GALNTL6: variants seen among roughly 807,000 people sequenced by gnomAD.
GALNTL6 encodes polypeptide N-acetylgalactosaminyltransferase-like 6.
Under a neutral mutation model 73.7 loss-of-function variants are expected in GALNTL6, and 46 were observed. The ratio of observed to expected loss-of-function variants is 0.62; its 90% CI spans 0.49 to 0.80. The LOEUF is 0.80. GALNTL6 is among the 30% of genes least tolerant of loss of function. The probability of loss-of-function intolerance (pLI) is 0.00; values close to 1 mark genes in which losing one functional copy is unlikely to be tolerated. For synonymous variants in GALNTL6, 259 were observed against 263.7 expected (o/e 0.98, Z 0.17); for missense variants, 604 against 755.0 (o/e 0.80, Z 2.34).
chr4:172,824,843 T>G (rs527863003), intron 7 of GALNTL6, among the ~76,000 whole-genome samples: 1 of 152,300 alleles, frequency 6.6e-6, no homozygotes, highest in African/African-American at 2.4e-5. Flanking sequence ...TGAGTGACAC[T>G]AGAAAAGTAA....
chr4:172,946,507 G>A (rs1749175617), intron 9 of GALNTL6, among the ~76,000 whole-genome samples: 1 of 152,162 alleles, frequency 6.6e-6, no homozygotes, highest in Non-Finnish European at 1.5e-5. Context: ...AGTCAAGCTG[G>A]AAATCTGTTC....
At chr4:172,629,763 T>G (rs1739317290) in intron 5 of GALNTL6, among the ~76,000 whole-genome samples, 1 of 152,164 alleles carries the variant, frequency 6.6e-6, no homozygotes, top group African/African-American at 2.4e-5. Flanking sequence ...AATGATGATG[T>G]AGAACATTCC....
intron 5 of GALNTL6, among the ~76,000 whole-genome samples, chr4:172,543,818 C>T (rs1392033084): frequency 6.6e-6 from 1 of 152,156 alleles, no homozygotes; most frequent in Non-Finnish European, 1.5e-5. Context: ...AAAGGATCTT[C>T]TAATGAAGAT....
chr4:172,902,067 C>G (rs929886566), intron 8 of GALNTL6, among the ~76,000 whole-genome samples: 7 of 152,148 alleles, frequency 4.6e-5, no homozygotes, highest in African/African-American at 1.7e-4. Flanking sequence ...TAATGTATGC[C>G]AGGCATTGTT....
chr4:172,828,954 G>A (rs978002148), intron 7 of GALNTL6, among the ~76,000 whole-genome samples: 3 of 152,186 alleles, frequency 2.0e-5, no homozygotes, highest in Admixed American at 6.5e-5. Context: ...AAGTCAAGGT[G>A]TCGGCGGAGC....
intron 2 of GALNTL6, among the ~76,000 whole-genome samples, chr4:171,876,296 C>T (rs1394986894): frequency 1.3e-5 from 2 of 152,056 alleles, no homozygotes; most frequent in African/African-American, 2.4e-5. Context: ...TCTTAATTAA[C>T]GACACTATAA....
chr4:172,873,761 G>T (rs766530888), intron 7 of GALNTL6, among the ~76,000 whole-genome samples: 1 of 152,012 alleles, frequency 6.6e-6, no homozygotes, highest in Non-Finnish European at 1.5e-5. Flanking sequence ...TTTTTTTGTT[G>T]TTGTTTTGTT....
chr4:171,956,071 T>C (rs911838045), intron 2 of GALNTL6, among the ~76,000 whole-genome samples: 1 of 152,064 alleles, frequency 6.6e-6, no homozygotes, highest in Non-Finnish European at 1.5e-5. Flanking sequence ...GGTGCAATTA[T>C]GGCTCACTGC....
intron 2 of GALNTL6, among the ~76,000 whole-genome samples, chr4:171,957,070 A>C (rs901951093): frequency 2.6e-5 from 4 of 152,248 alleles, no homozygotes; most frequent in East Asian, 1.9e-4. Flanking sequence ...TGTTCTTTCT[A>C]CTTTGTAGTG....
At chr4:172,057,744 AT>A in intron 2 of GALNTL6, among the ~76,000 whole-genome samples, 3 of 142,056 alleles carry the variant, frequency 2.1e-5, no homozygotes, top group African/African-American at 7.7e-5. Flanking sequence ...ATATATATAT[AT>A]ATATATATAT....
chr4:172,882,440 C>G lies in GALNTL6; in HGVS notation c.924-350C>G, dbSNP rs143285500. Among the ~76,000 whole-genome samples, 560 of 152,196 alleles carry G rather than the reference C, an allele frequency of 3.7e-3. 2 individuals carry two copies. The highest frequency in any genetic ancestry group is 0.016 in the South Asian group (76 of 4,822). On this transcript the variant is annotated intron_variant, in intron 7 of 12. Transcript: ENST00000506823. Reference sequence around the variant, plus strand: ...AAGATCCCTTTAGTTTCAGGAAAAACCATAAAATTGAGTGATATTTCTCAC... The same window carrying G: ...AAGATCCCTTTAGTTTCAGGAAAAAGCATAAAATTGAGTGATATTTCTCAC...
intron 2 of GALNTL6, among the ~76,000 whole-genome samples, chr4:172,009,161 T>TA (rs1740926171): frequency 6.6e-6 from 1 of 152,124 alleles, no homozygotes; most frequent in South Asian, 2.1e-4. Context: ...TTAATTTTCA[T>TA]AAAAACATTT....
At chr4:173,031,242 G>A (rs1271359597) in intron 12 of GALNTL6, among the ~76,000 whole-genome samples, 3 of 152,102 alleles carry the variant, frequency 2.0e-5, no homozygotes, top group Non-Finnish European at 4.4e-5. Flanking sequence ...TGCACCTAGA[G>A]CATAGCACAT....
At chr4:171,838,503 C>T (rs1328149324) in intron 2 of GALNTL6, among the ~76,000 whole-genome samples, 2 of 152,088 alleles carry the variant, frequency 1.3e-5, no homozygotes, top group Non-Finnish European at 2.9e-5. Flanking sequence ...TCTCTTCTCC[C>T]TTCACTCTCT....
intron 10 of GALNTL6, among the ~76,000 whole-genome samples, chr4:172,963,019 T>C (rs1027263858): frequency 3.9e-5 from 6 of 152,080 alleles, no homozygotes; most frequent in African/African-American, 1.4e-4. Flanking sequence ...TAGGTAAAAA[T>C]GAAAGTCCTT....
intron 7 of GALNTL6, among the ~76,000 whole-genome samples, chr4:172,827,071 C>A (rs1742310602): frequency 6.6e-6 from 1 of 152,180 alleles, no homozygotes; most frequent in Admixed American, 6.5e-5. Flanking sequence ...GCTTTGTCCT[C>A]ACTTGATAGA....
chr4:172,205,410 C>T (rs1736076777), intron 2 of GALNTL6, among the ~76,000 whole-genome samples: 1 of 152,124 alleles, frequency 6.6e-6, no homozygotes, highest in African/African-American at 2.4e-5. Context: ...TGCTAGAGTC[C>T]ACTTTTTTGG....
rs1450977868 is a variant in GALNTL6, at chr4:172,410,681, T to TTAATAAATAATA, written c.553+62002_553+62003insTATAATAAATAA. Among the ~76,000 whole-genome samples the TTAATAAATAATA allele has an allele frequency of 2.3e-4, 35 of 152,220 alleles. 1 individual carries two copies. Among genetic ancestry groups the TTAATAAATAATA allele is most frequent in the African/African-American group, 8.2e-4 (34 of 41,542 alleles). ...TTCAAAGAGGTCCCAGAAAACTAAC[T>TTAATAAATAATA]TAATAAATAAATAAATAAATACAAA... On this transcript the variant is annotated intron_variant, in intron 5 of 12. Transcript: ENST00000506823.
intron 8 of GALNTL6, among the ~76,000 whole-genome samples, chr4:172,886,462 T>A (rs1395530050): frequency 6.6e-6 from 1 of 152,186 alleles, no homozygotes; most frequent in Non-Finnish European, 1.5e-5. Context: ...GTTGTTACAT[T>A]TGTTTATCTG....
Sources: gnomAD v4.1 joint callset for allele counts (sites outside exome capture counted in the v4.1 genomes callset) on GRCh38, gnomAD v4.1.1 for gene constraint, MANE v1.5 for transcripts, NCBI Gene and HGNC (gene_info 2026-07-23, HGNC 2026-07-21) for gene names.